SPAG17: variants seen among roughly 807,000 people sequenced by gnomAD.
The protein encoded by SPAG17 is sperm-associated antigen 17.
In SPAG17, 169 loss-of-function variants were observed where a neutral mutation model predicts 273.6. The observed-to-expected ratio is 0.62, with a 90% CI of 0.55 to 0.70. The LOEUF (loss-of-function observed/expected upper bound fraction) is 0.70. SPAG17 is among the 30% of genes least tolerant of loss of function. The pLI is 0.00. For missense variants in SPAG17, 2,557 were observed against 2,627.8 expected (o/e 0.97, Z 0.59); for synonymous variants, 825 against 873.2 (o/e 0.94, Z 0.97).
At position 117,954,562 on chromosome 1, in the gene SPAG17, T is replaced by G. The variant is rs747127686; in HGVS notation, c.*1-513A>C. 1.3e-5 allele frequency: 21 copies of G among 1,611,388 alleles called. No individual in the cohort carries two copies. The African/African-American group carries it at 2.8e-4, about 22-fold the overall frequency. Reference sequence around the variant, plus strand: ...GTCTCAGTTTTTTTAATGACTTGATTTAATAATTTCTTCATAGGTTCCACT... The same window carrying G: ...GTCTCAGTTTTTTTAATGACTTGATGTAATAATTTCTTCATAGGTTCCACT... On this transcript the variant is annotated intron_variant, in intron 48 of 48. Coordinates refer to ENST00000336338, the MANE Select transcript of SPAG17 (RefSeq NM_206996.4).
rs201908158 is a variant in SPAG17, at chr1:118,099,697, G to A, written c.738C>T (p.Ser246=). 3.5e-5 allele frequency: 57 copies of A among 1,613,894 alleles called. No homozygotes were observed. The highest frequency in any genetic ancestry group is 1.3e-4 in the Admixed American group (8 of 60,000). Residue 246 remains serine (S), a synonymous_variant, in exon 6 of 49, where the codon AGC becomes AGT. Coordinates refer to ENST00000336338, the MANE Select transcript of SPAG17 (RefSeq NM_206996.4). The part of the protein sequence containing the change: ...IMAELGIPIT[S]VIKISSENYE... The stretch of plus-strand genomic sequence containing the variant: ...AATTCTCTGAAGATATTTTAATCAC[G>A]CTGGTTATAGGAATGCCAAGCTCAG...
chr1:117,966,818 T>C, intron 46 of SPAG17, 65 bp from the exon 47 acceptor site: 2 of 1,406,884 alleles, frequency 1.4e-6, no homozygotes, highest in Non-Finnish European at 1.9e-6. Context: ...TTTAATAATA[T>C]GAATTTGAGC....
Position 118,101,790 on chromosome 1 carries a change from G to C in SPAG17, c.584C>G (p.Thr195Ser). 1 of 1,614,044 alleles carries C rather than the reference G, an allele frequency of 6.2e-7. No homozygotes were observed. The highest frequency in any genetic ancestry group is 8.5e-7 in the Non-Finnish European group (1 of 1,179,972). Reference sequence around the variant, plus strand: ...TTCTCCTCTCCGCTTTAACTGGGTGGTCTTTTTCACTGGTGCATTTGCCTC... The same window carrying C: ...TTCTCCTCTCCGCTTTAACTGGGTGCTCTTTTTCACTGGTGCATTTGCCTC... Reference protein sequence around the residue: ...QPEANAPVKKTTQLKRRGEDD... With the variant: ...QPEANAPVKKSTQLKRRGEDD... Residue 195 changes from threonine (T) to serine (S), a missense_variant, in exon 5 of 49, where the codon ACC becomes AGC. Coordinates refer to ENST00000336338, the MANE Select transcript of SPAG17 (RefSeq NM_206996.4).
intron 1 of SPAG17, among the ~76,000 whole-genome samples, chr1:118,167,541 T>A (rs1465674649): frequency 6.6e-6 from 1 of 152,192 alleles, no homozygotes; most frequent in African/African-American, 2.4e-5. Context: ...TATTTAATCT[T>A]ACATTTATAT....
intron 29 of SPAG17, among the ~76,000 whole-genome samples, chr1:118,012,829 T>C (rs1404873906): frequency 6.6e-6 from 1 of 152,230 alleles, no homozygotes; most frequent in African/African-American, 2.4e-5. Flanking sequence ...GTCGGGCTAA[T>C]GTCATCAGAG....
At chr1:118,002,443 A>G (rs1658400554) in intron 32 of SPAG17, among the ~76,000 whole-genome samples, 1 of 152,040 alleles carries the variant, frequency 6.6e-6, no homozygotes, top group African/African-American at 2.4e-5. Context: ...TCCCATTACT[A>G]TTGTGTGGGA....
rs778671344 is a variant in SPAG17, at chr1:117,988,233, TC to T, written c.5522-30del. On this transcript the variant is annotated intron_variant, in intron 38 of 48. Coordinates refer to ENST00000336338, the MANE Select transcript of SPAG17 (RefSeq NM_206996.4). Reference sequence around the variant, plus strand: ...TAAACATAGATGTATTTAACTTTTATCCCCACTTCTTTATAGGGCAACACAC... The same window carrying T: ...TAAACATAGATGTATTTAACTTTTATCCCACTTCTTTATAGGGCAACACAC... The T allele has an allele frequency of 1.1e-5, 17 of 1,513,964 alleles. No individual in the cohort carries two copies. The East Asian group carries it at 3.9e-4, about 35-fold the overall frequency. 93.8% of individuals were successfully genotyped at this position (1,513,964 alleles called of 1,614,324 possible).
chr1:118,161,885 G>T (rs548638975), intron 1 of SPAG17, among the ~76,000 whole-genome samples: 1 of 152,204 alleles, frequency 6.6e-6, no homozygotes, highest in Admixed American at 6.5e-5. Context: ...AAAGAGAACT[G>T]GGGGGAAGGT....
chr1:118,126,513 T>G (rs1657746384), intron 3 of SPAG17, among the ~76,000 whole-genome samples: 1 of 151,882 alleles, frequency 6.6e-6, no homozygotes, highest in Admixed American at 6.6e-5. Flanking sequence ...GCGCCCGGCC[T>G]CCTTTATCCA....
intron 32 of SPAG17, among the ~76,000 whole-genome samples, chr1:117,998,974 A>T (rs1329072258): frequency 1.3e-5 from 2 of 151,598 alleles, no homozygotes; most frequent in Non-Finnish European, 2.9e-5. Flanking sequence ...AATGCTATCC[A>T]TCCCCCAGCC....
At position 118,093,191 on chromosome 1, in the gene SPAG17, C is replaced by T. The variant is rs1377846553; in HGVS notation, c.1138G>A (p.Glu380Lys). 1.9e-6 allele frequency: 3 copies of T among 1,613,542 alleles called. No homozygotes were observed. Among genetic ancestry groups the T allele is most frequent in the Non-Finnish European group, 2.5e-6 (3 of 1,179,738 alleles). ...QLINVPQVVNEKPVLEAMPTS... is the reference protein window; with the variant it reads ...QLINVPQVVNKKPVLEAMPTS... ...GGCATGGCTTCTAATACAGGTTTCT[C>T]ATTAACCACTTGTGGAACATTAATA... Residue 380 changes from glutamate (E) to lysine (K), a missense_variant, in exon 8 of 49, where the codon GAG (glutamate) becomes AAG (lysine). Physicochemically the swap from Glu to Lys is moderately conservative, Grantham distance 56. Coordinates refer to ENST00000336338, the MANE Select transcript of SPAG17 (RefSeq NM_206996.4).
intron 25 of SPAG17, among the ~76,000 whole-genome samples, chr1:118,030,806 G>A (rs967142769): frequency 1.3e-5 from 2 of 152,146 alleles, no homozygotes; most frequent in African/African-American, 2.4e-5. Context: ...ATTCCATGGT[G>A]TATGTGTACC....
rs766503439 is a variant in SPAG17 at position 118,025,372 on chromosome 1, G to T, written c.3775C>A (p.Arg1259Ser). ...TTCACCCTCTGGGGGTAGCTCTGACGGACCATGATGTCCCAGGTGGGTTCC... is the reference window on the plus strand; with the variant it reads ...TTCACCCTCTGGGGGTAGCTCTGACTGACCATGATGTCCCAGGTGGGTTCC... ...DEEPTWDIMV[R>S]QSYPQRVKHY... The change falls in exon 27 of 49, where the codon CGT (arginine) becomes AGT (serine). Residue 1259 changes from arginine to serine, a missense_variant. Arg to Ser is a moderately radical substitution (Grantham distance 110, BLOSUM62 -1). Coordinates refer to ENST00000336338, the MANE Select transcript of SPAG17 (RefSeq NM_206996.4). 7.5e-6 allele frequency: 12 copies of T among 1,606,176 alleles called. No individual in the cohort carries two copies. The Admixed American group carries it at 2.1e-4, about 28-fold the overall frequency.
At chr1:118,074,849 C>T (rs2102112636) in intron 15 of SPAG17, among the ~76,000 whole-genome samples, 1 of 152,322 alleles carries the variant, frequency 6.6e-6, no homozygotes, top group East Asian at 1.9e-4. Context: ...TTAAATCATA[C>T]CAGATATTCT....
chr1:118,052,999 C>A (rs1453125995), intron 20 of SPAG17, among the ~76,000 whole-genome samples: 1 of 151,974 alleles, frequency 6.6e-6, no homozygotes, highest in Admixed American at 6.6e-5. Context: ...AGACCCTCCT[C>A]CCACCAGACA....
rs1258919902 is a variant in SPAG17, at chr1:118,040,895, A to T, written c.3055-54T>A. 3.3e-6 allele frequency: 4 copies of T among 1,221,730 alleles called. No homozygotes were observed. In the East Asian group the frequency reaches 9.3e-5, roughly 28 times the overall value. The allele number at this position is 1,221,730 out of a possible 1,614,324, so 75.7% of individuals were successfully genotyped here. A position where few individuals can be genotyped will look rare whatever the true frequency, so the allele number is the denominator to read the frequency against. The stretch of plus-strand genomic sequence containing the variant: ...GTGAAGCTGCAATAGACAAAAAATC[A>T]ACTTATCAGTGTTAGCCAACTAAAG... On this transcript the variant is annotated intron_variant, in intron 21 of 48. Transcript: ENST00000336338.
chr1:118,131,459 T>A (rs1382827718), intron 3 of SPAG17, among the ~76,000 whole-genome samples: 1 of 152,234 alleles, frequency 6.6e-6, no homozygotes, highest in East Asian at 1.9e-4. Context: ...TGCTCTGTAG[T>A]TCTTATTACC....
chr1:118,090,295 C>G (rs911392127), intron 10 of SPAG17, among the ~76,000 whole-genome samples: 1 of 152,170 alleles, frequency 6.6e-6, no homozygotes, highest in African/African-American at 2.4e-5. Context: ...TCAGGTCACA[C>G]AGGAAGCCTC....
chr1:117,994,437 G>A lies in SPAG17; in HGVS notation c.5147C>T (p.Ser1716Leu), dbSNP rs1289421890. 6.2e-7 allele frequency: 1 copy of A among 1,612,616 alleles called. No homozygotes were observed. The highest frequency in any genetic ancestry group is 1.3e-5 in the African/African-American group (1 of 74,830). The change falls in exon 35 of 49, where the codon TCA becomes TTA. Residue 1716 changes from serine (S) to leucine (L), a missense_variant. Coordinates refer to ENST00000336338, the MANE Select transcript of SPAG17 (RefSeq NM_206996.4). Reference protein sequence around the residue: ...EDTIVPPNLRSRSWETFPSVE... With the variant: ...EDTIVPPNLRLRSWETFPSVE... ...TGAGGGAAATGTTTCCCATGACCTT[G>A]ACCGGAGATTAGGAGGGACAATTGT...
Sources: gnomAD v4.1 joint callset for allele counts (sites outside exome capture counted in the v4.1 genomes callset) on GRCh38, gnomAD v4.1.1 for gene constraint, MANE v1.5 for transcripts, NCBI Gene and HGNC (gene_info 2026-07-23, HGNC 2026-07-21) for gene names.